Variants in RIPOR2 observed in about 807,000 individuals in gnomAD.
The protein encoded by RIPOR2 is rho family-interacting cell polarization regulator 2.
A neutral mutation model predicts 114.5 loss-of-function variants in RIPOR2; 39 were observed. The observed-to-expected ratio is 0.34, with a 90% CI of 0.26 to 0.44. The LOEUF is 0.44. Ranked by LOEUF, RIPOR2 falls within the 20% of genes least tolerant of loss-of-function variation. The pLI is 1.00. For missense variants in RIPOR2, 1,007 were observed against 1,255.1 expected, an observed-to-expected ratio of 0.80 and a Z score of 2.99; for synonymous variants, 445 against 484.4, an observed-to-expected ratio of 0.92 and a Z score of 1.07.
intron 1 of RIPOR2, among the ~76,000 whole-genome samples, chr6:24,934,664 G>A (rs953187473): frequency 3.3e-5 from 5 of 152,150 alleles, no homozygotes; most frequent in Admixed American, 6.5e-5. Context: ...GCTAGACGTA[G>A]TTTCTTGCGG....
In RIPOR2 at chr6:24,923,061, A is replaced by C. The variant is rs140105592; in HGVS notation, c.61+12777T>G. Among the ~76,000 whole-genome samples, 350 of 152,178 alleles carry C rather than the reference A, an allele frequency of 2.3e-3. 18 individuals are homozygous for C. The East Asian group carries it at 0.064, about 28-fold the overall frequency. ...TCTCTCCTCCCCCCAGCCTCTGGCA[A>C]CCACCGTCTATTTATTGTTTCTATA... On this transcript the variant is annotated intron_variant, in intron 1 of 21. Transcript: ENST00000643898.
At chr6:24,895,398 T>G (rs1767763398) in intron 1 of RIPOR2, among the ~76,000 whole-genome samples, 1 of 151,818 alleles carries the variant, frequency 6.6e-6, no homozygotes, top group South Asian at 2.1e-4. Context: ...TTCCCAGAGA[T>G]TCTGACTTAG....
chr6:24,903,810 A>T (rs1768702850), intron 1 of RIPOR2, among the ~76,000 whole-genome samples: 2 of 152,188 alleles, frequency 1.3e-5, no homozygotes, highest in Non-Finnish European at 2.9e-5. Flanking sequence ...CACTCGTTAA[A>T]CTTCCTAAAA....
rs372356246 is a variant in RIPOR2, at chr6:24,954,455, C to CTTTTTTTTTTTTTTTTTTTT, written c.77-78639_77-78638insAAAAAAAAAAAAAAAAAAAA. Among the ~76,000 whole-genome samples the CTTTTTTTTTTTTTTTTTTTT allele has an allele frequency of 1.7e-5, 2 of 116,252 alleles. 1 individual carries two copies. The allele number at this position is 116,252 out of a possible 152,430, so 76.3% of individuals were successfully genotyped here. On this transcript the variant is annotated intron_variant, in intron 1 of 13. Coordinates refer to the RIPOR2 transcript ENST00000510784. ...AACTGTGCAGGCCCAGTCTCTCTCT[C>CTTTTTTTTTTTTTTTTTTTT]CTTTTTTTTTTTTTTTTTGAGACAG... is the stretch of plus-strand genomic sequence containing the variant.
intron 1 of RIPOR2, among the ~76,000 whole-genome samples, chr6:24,941,006 C>T (rs543470889): frequency 2.0e-5 from 3 of 152,128 alleles, no homozygotes; most frequent in African/African-American, 7.2e-5. Context: ...GAGGAGGTAC[C>T]AATCTCATGG....
chr6:24,865,094 C>T (rs571924021), intron 7 of RIPOR2, among the ~76,000 whole-genome samples: 60 of 152,280 alleles, frequency 3.9e-4, no homozygotes, highest in Admixed American at 5.9e-4. Flanking sequence ...ACTACAGGCA[C>T]ATGCCGCCAC....
chr6:24,809,779 G>A lies in RIPOR2; in HGVS notation c.2981C>T (p.Thr994Ile), dbSNP rs146500719. Residue 994 changes from threonine to isoleucine, a missense_variant, in exon 21 of 22, where the codon ACA (threonine) becomes ATA (isoleucine). By Grantham distance (89) the Thr-to-Ile change is moderately conservative. Transcript: ENST00000643898. ...EATESIKMLVTLCQSDTEEIR... is the reference protein window; with the variant it reads ...EATESIKMLVILCQSDTEEIR... ...TTCTTCAGTATCAGATTGACACAAT[G>A]TCACCAGCATTTTAATGCTTTCAGT... is the stretch of plus-strand genomic sequence containing the variant. The A allele has an allele frequency of 3.2e-5, 49 of 1,550,574 alleles. No homozygotes were observed. In the African/African-American group the frequency reaches 5.9e-4, roughly 19 times the overall value.
intron 1 of RIPOR2, among the ~76,000 whole-genome samples, chr6:24,974,248 C>T (rs563698882): frequency 5.9e-5 from 9 of 152,058 alleles, no homozygotes; most frequent in East Asian, 5.8e-4. Flanking sequence ...TAGCTGGATG[C>T]GGTGGTGAGC....
chr6:24,993,536 G>A (rs1184913961), intron 1 of RIPOR2, among the ~76,000 whole-genome samples: 4 of 152,200 alleles, frequency 2.6e-5, no homozygotes, highest in Admixed American at 6.5e-5. Context: ...TTTTTATCCA[G>A]CTTGCCACTC....
intron 1 of RIPOR2, among the ~76,000 whole-genome samples, chr6:24,999,558 CTTT>C (rs34050235): frequency 4.4e-5 from 6 of 137,682 alleles, no homozygotes; most frequent in Non-Finnish European, 6.2e-5. Flanking sequence ...CTGACTCATC[CTTT>C]TTTTTTTTTT....
intron 12 of RIPOR2, among the ~76,000 whole-genome samples, chr6:24,846,199 T>G (rs1219842427): frequency 6.6e-6 from 1 of 152,030 alleles, no homozygotes; most frequent in East Asian, 1.9e-4. Flanking sequence ...CTGTGTTAGC[T>G]CTTTGTGTTT....
intron 1 of RIPOR2, among the ~76,000 whole-genome samples, chr6:24,924,271 G>T (rs1470806263): frequency 6.6e-6 from 1 of 152,174 alleles, no homozygotes; most frequent in Non-Finnish European, 1.5e-5. Flanking sequence ...GTGTGTAAAA[G>T]CCAAAAAGAC....
At chr6:25,002,866 A>C (rs981268929) in intron 1 of RIPOR2, among the ~76,000 whole-genome samples, 10 of 152,240 alleles carry the variant, frequency 6.6e-5, no homozygotes, top group African/African-American at 2.4e-4. Context: ...TTAAACAGCC[A>C]TCTTGAAATG....
At chr6:24,963,150 G>A (rs555250) in intron 1 of RIPOR2, among the ~76,000 whole-genome samples, 120,971 of 152,190 alleles carry the variant, frequency 0.79, 51,646 homozygotes, top group East Asian at 0.96. Flanking sequence ...CGATTCTCCA[G>A]CCTCTGGAGT....
intron 1 of RIPOR2, among the ~76,000 whole-genome samples, chr6:24,972,523 G>T (rs933115735): frequency 6.6e-6 from 1 of 152,196 alleles, no homozygotes; most frequent in Admixed American, 6.5e-5. Flanking sequence ...AAGAAGAGAG[G>T]TCTCAGAGGA....
intron 12 of RIPOR2, among the ~76,000 whole-genome samples, chr6:24,843,935 T>G (rs977200602): frequency 3.3e-5 from 5 of 152,174 alleles, no homozygotes; most frequent in Non-Finnish European, 5.9e-5. Flanking sequence ...TACCAATTTC[T>G]TTTTCTATTT....
intron 11 of RIPOR2, among the ~76,000 whole-genome samples, chr6:24,849,228 T>C (rs181552403): frequency 2.1e-4 from 32 of 152,316 alleles, no homozygotes; most frequent in African/African-American, 7.0e-4. Context: ...TAACTTATCA[T>C]GACCTTTCTC....
rs142184005 is a variant in RIPOR2, at chr6:24,975,658, A to G, written c.76+66193T>C. 7.8e-3 allele frequency among the ~76,000 whole-genome samples: 1,193 copies of G among 152,338 alleles called. 9 individuals are homozygous for G. The highest frequency in any genetic ancestry group is 9.5e-3 in the Non-Finnish European group (647 of 68,032). On this transcript the variant is annotated intron_variant, in intron 1 of 13. Coordinates refer to the RIPOR2 transcript ENST00000510784. ...TATAGTGAGACTCCATCTATAAAAT[A>G]ATGGTAATAATAATGCATAGTATAC...
intron 1 of RIPOR2, among the ~76,000 whole-genome samples, chr6:24,888,256 T>C (rs1767008340): frequency 6.6e-6 from 1 of 152,152 alleles, no homozygotes; most frequent in South Asian, 2.1e-4. Context: ...AAAAAAACAT[T>C]GCCATATAGA....
Sources: gnomAD v4.1 joint callset for allele counts (sites outside exome capture counted in the v4.1 genomes callset) on GRCh38, gnomAD v4.1.1 for gene constraint, MANE v1.5 for transcripts, NCBI Gene and HGNC (gene_info 2026-07-23, HGNC 2026-07-21) for gene names.